RFPL4A: variants seen among roughly 807,000 people sequenced by gnomAD.
RFPL4A encodes ret finger protein like 4A.
A neutral mutation model predicts 8.3 loss-of-function variants in RFPL4A; 4 were observed. The observed-to-expected ratio is 0.48, with a 90% confidence interval of 0.24 to 1.10. The LOEUF (loss-of-function observed/expected upper bound fraction) is 1.10. Ranked by LOEUF, RFPL4A falls within the 50% of genes least tolerant of loss-of-function variation. RFPL4A has a pLI of 0.18. For missense variants in RFPL4A, 111 were observed against 358.7 expected, an observed-to-expected ratio of 0.31 and a Z score of 5.58; for synonymous variants, 43 against 136.6, an observed-to-expected ratio of 0.31 and a Z score of 4.78.
chr19:55,760,478 G>T (rs1165092076), intron 1 of RFPL4A, among the ~76,000 whole-genome samples: 1 of 151,578 alleles, frequency 6.6e-6, no homozygotes, highest in Non-Finnish European at 1.5e-5. Context: ...GGCCTTCGGG[G>T]TTTCTATTTT....
chr19:55,762,064 C>T lies in RFPL4A; in HGVS notation c.264C>T (p.Asn88=). 1 of 1,461,318 alleles carries T rather than the reference C, an allele frequency of 6.8e-7. No homozygotes were observed. Among genetic ancestry groups the T allele is most frequent in the Non-Finnish European group, 9.2e-7 (1 of 1,087,476 alleles). 90.5% of individuals were successfully genotyped at this position (1,461,318 alleles called of 1,614,324 possible). ...AGCTGAAATCTGTTCTAACAATGAA[C>T]CCAAGGATGAGGAAGTTTCAAGGTA... The part of the protein sequence containing the change: ...EPKLKSVLTM[N]PRMRKFQVDM... Residue 88 remains asparagine (N), a synonymous_variant, in exon 2 of 3, where the codon AAC becomes AAT. Transcript: ENST00000434937.
rs1226239663 is a variant in RFPL4A at position 55,761,068 on chromosome 19, A to G, written c.-9-724A>G. Among the ~76,000 whole-genome samples the G allele has an allele frequency of 3.8e-5, 4 of 104,400 alleles. 2 individuals carry two copies. Among genetic ancestry groups the G allele is most frequent in the African/African-American group, 1.3e-4 (4 of 30,004 alleles). 68.5% of individuals were successfully genotyped at this position (104,400 alleles called of 152,430 possible). A position where few individuals can be genotyped will look rare whatever the true frequency, so the allele number is the denominator to read the frequency against. ...ATATATGGCTGCTTGTTTGTTTTTC[A>G]TTAGTTCTGGTTTTTCCTTTTTTTT... On this transcript the variant is annotated intron_variant, in intron 1 of 2. Coordinates refer to ENST00000434937, the MANE Select transcript of RFPL4A (RefSeq NM_001145014.2).
rs1181917304 is a variant in RFPL4A at position 55,761,432 on chromosome 19, A to G, written c.-9-360A>G. ...TTTTCCCCATTATGTCTTCAAAAAT[A>G]AGAGCGTATTTGGCTCACAGCACAT... On this transcript the variant is annotated intron_variant, in intron 1 of 2. Coordinates refer to ENST00000434937, the MANE Select transcript of RFPL4A (RefSeq NM_001145014.2). Among the ~76,000 whole-genome samples, 2 of 138,098 alleles carry G rather than the reference A, an allele frequency of 1.4e-5. 1 individual carries two copies. Among genetic ancestry groups the G allele is most frequent in the Non-Finnish European group, 3.3e-5 (2 of 61,342 alleles). 90.6% of individuals were successfully genotyped at this position (138,098 alleles called of 152,430 possible). A position where few individuals can be genotyped will look rare whatever the true frequency, so the allele number is the denominator to read the frequency against.
At chr19:55,759,463 G>C in intron 1 of RFPL4A, among the ~76,000 whole-genome samples, 1 of 151,630 alleles carries the variant, frequency 6.6e-6, no homozygotes, top group East Asian at 1.9e-4. Flanking sequence ...CTCAACGTCA[G>C]GTTTTCCTAT....
intron 1 of RFPL4A, among the ~76,000 whole-genome samples, chr19:55,761,516 A>G (rs1214684807): frequency 7.0e-6 from 1 of 142,906 alleles, no homozygotes; most frequent in Non-Finnish European, 1.6e-5. Flanking sequence ...GGTGGCTACC[A>G]TATGAAACAG....
intron 1 of RFPL4A, among the ~76,000 whole-genome samples, chr19:55,760,662 G>A (rs1989262979): frequency 6.6e-6 from 1 of 151,484 alleles, no homozygotes; most frequent in African/African-American, 2.4e-5. Flanking sequence ...TCATTACTGT[G>A]GCAATGCTTT....
chr19:55,758,214 T>C (rs1989210150), upstream of RFPL4A, among the ~76,000 whole-genome samples: 1 of 152,298 alleles, frequency 6.6e-6, no homozygotes, highest in South Asian at 2.1e-4. Flanking sequence ...TGTTTCTCCA[T>C]TTGCCTTCAT....
At chr19:55,760,721 T>G (rs1488482016) in intron 1 of RFPL4A, among the ~76,000 whole-genome samples, 1 of 151,592 alleles carries the variant, frequency 6.6e-6, no homozygotes, top group African/African-American at 2.4e-5. Context: ...GAGCCCAGGT[T>G]CCTCCTTGTC....
rs2122394987 is a variant in RFPL4A, at chr19:55,762,095, T to C, written c.286+9T>C. ...GATGAGGAAGTTTCAAGGTAAGGAA[T>C]CTATAGGACCTGCCACAACCCATAA... On this transcript the variant is annotated intron_variant, in intron 2 of 2. Coordinates refer to ENST00000434937, the MANE Select transcript of RFPL4A (RefSeq NM_001145014.2). 1.3e-6 allele frequency: 2 copies of C among 1,509,862 alleles called. No individual in the cohort carries two copies. Among genetic ancestry groups the C allele is most frequent in the South Asian group, 1.2e-5 (1 of 80,906 alleles). The allele number at this position is 1,509,862 out of a possible 1,614,324, so 93.5% of individuals were successfully genotyped here. A position where few individuals can be genotyped will look rare whatever the true frequency, so the allele number is the denominator to read the frequency against.
upstream of RFPL4A, among the ~76,000 whole-genome samples, chr19:55,758,730 T>TTTTATTGAAATGTCACA (rs1177950517): frequency 7.9e-5 from 12 of 151,430 alleles, no homozygotes; most frequent in Non-Finnish European, 1.6e-4. Context: ...AAGTCACCTC[T>TTTTATTGAAATGTCACA]TTTATTGAAA....
At chr19:55,761,160 C>G (rs1226636962) in intron 1 of RFPL4A, among the ~76,000 whole-genome samples, 2 of 134,784 alleles carry the variant, frequency 1.5e-5, no homozygotes, top group Non-Finnish European at 3.3e-5. Flanking sequence ...GTGTCTTGTC[C>G]TTTTGTTGCA....
chr19:55,760,495 T>C (rs1989259767), intron 1 of RFPL4A, among the ~76,000 whole-genome samples: 1 of 151,620 alleles, frequency 6.6e-6, no homozygotes, highest in African/African-American at 2.4e-5. Flanking sequence ...TTTTTGTCAG[T>C]CCTTCTAATT....
Position 55,763,067 on chromosome 19 carries a change from A to ATT in RFPL4A, c.761_762dup (p.Ala255LeufsTer14). On this transcript the variant is annotated frameshift_variant, in exon 3 of 3. Coordinates refer to ENST00000434937, the MANE Select transcript of RFPL4A (RefSeq NM_001145014.2). LOFTEE classifies it low-confidence loss of function (END_TRUNC). The stretch of plus-strand genomic sequence containing the variant: ...TTCCTGTTTGCGAGCCCTGGCGTCC[A>ATT]TTTTTTGCTCATAAACGTGGAAGTC... 1 of 1,551,682 alleles carries ATT rather than the reference A, an allele frequency of 6.4e-7. No individual in the cohort carries two copies. The highest frequency in any genetic ancestry group is 8.7e-7 in the Non-Finnish European group (1 of 1,146,928).
chr19:55,759,747 G>A (rs1051710983), intron 1 of RFPL4A, among the ~76,000 whole-genome samples: 1 of 151,178 alleles, frequency 6.6e-6, no homozygotes, highest in Non-Finnish European at 1.5e-5. Flanking sequence ...GGAGTGCAGT[G>A]GCTATTTTCT....
chr19:55,762,950 G>T lies in RFPL4A; in HGVS notation c.639G>T (p.Leu213Phe). ...CTCCTCTCTGGGTGAGTCCCCAGTT[G>T]CACAGAGTGGGGATTTTCCTGGATG... is the stretch of plus-strand genomic sequence containing the variant. ...PMTPLWVSPQ[L>F]HRVGIFLDVG... Residue 213 changes from leucine to phenylalanine, a missense_variant, in exon 3 of 3, where the codon TTG becomes TTT. Leu to Phe is a conservative substitution (Grantham distance 22). Coordinates refer to ENST00000434937, the MANE Select transcript of RFPL4A (RefSeq NM_001145014.2). The T allele has an allele frequency of 6.4e-7, 1 of 1,551,756 alleles. No individual in the cohort carries two copies. The highest frequency in any genetic ancestry group is 8.7e-7 in the Non-Finnish European group (1 of 1,146,886).
At chr19:55,758,523 A>G (rs1182373110), upstream of RFPL4A, among the ~76,000 whole-genome samples, 1 of 151,326 alleles carries the variant, frequency 6.6e-6, no homozygotes, top group Non-Finnish European at 1.5e-5. Flanking sequence ...TTGTAACAGT[A>G]ACGTTTAACT....
upstream of RFPL4A, among the ~76,000 whole-genome samples, chr19:55,757,866 G>A (rs1600154957): frequency 6.6e-6 from 1 of 151,540 alleles, no homozygotes; most frequent in South Asian, 2.1e-4. Flanking sequence ...TATTCCCAAA[G>A]AGAACAGAAA....
rs1458736023 is a variant in RFPL4A, at chr19:55,761,080, T to C, written c.-9-712T>C. On this transcript the variant is annotated intron_variant, in intron 1 of 2. Coordinates refer to ENST00000434937, the MANE Select transcript of RFPL4A (RefSeq NM_001145014.2). The stretch of plus-strand genomic sequence containing the variant: ...TTGTTTGTTTTTCATTAGTTCTGGT[T>C]TTTCCTTTTTTTTTTTTTTTCCGCT... Among the ~76,000 whole-genome samples, 3 of 132,592 alleles carry C rather than the reference T, an allele frequency of 2.3e-5. 1 individual carries two copies. Among genetic ancestry groups the C allele is most frequent in the Non-Finnish European group, 5.0e-5 (3 of 60,490 alleles). The allele number at this position is 132,592 out of a possible 152,430, so 87.0% of individuals were successfully genotyped here. A position where few individuals can be genotyped will look rare whatever the true frequency, so the allele number is the denominator to read the frequency against.
rs760108267 is a variant in RFPL4A, at chr19:55,762,104, C to A, written c.286+18C>A. 2 of 1,524,422 alleles carry A rather than the reference C, an allele frequency of 1.3e-6. No individual in the cohort carries two copies. The highest frequency in any genetic ancestry group is 2.4e-5 in the South Asian group (2 of 82,716). The allele number at this position is 1,524,422 out of a possible 1,614,324, so 94.4% of individuals were successfully genotyped here. ...GTTTCAAGGTAAGGAATCTATAGGACCTGCCACAACCCATAAAAGGCACTG... is the reference window on the plus strand; with the variant it reads ...GTTTCAAGGTAAGGAATCTATAGGAACTGCCACAACCCATAAAAGGCACTG... On this transcript the variant is annotated intron_variant, in intron 2 of 2. Transcript: ENST00000434937.
Sources: gnomAD v4.1 joint callset for allele counts (sites outside exome capture counted in the v4.1 genomes callset) on GRCh38, gnomAD v4.1.1 for gene constraint, MANE v1.5 for transcripts, NCBI Gene and HGNC (gene_info 2026-07-23, HGNC 2026-07-21) for gene names.